The following ME1 variants were observed in gnomAD, a reference collection of about 807,000 sequenced individuals.
ME1 encodes NADP-dependent malic enzyme.
A neutral mutation model predicts 66.4 loss-of-function variants in ME1; 74 were observed. The observed-to-expected ratio is 1.11, with a 90% CI of 0.92 to 1.35. The LOEUF is 1.35. Ranked by LOEUF, ME1 falls within the 40% of genes most tolerant of loss-of-function variation. ME1 has a pLI of 0.00. For missense variants in ME1, 750 were observed against 694.1 expected (o/e 1.08, Z -0.90); for synonymous variants, 251 against 235.6 (o/e 1.07, Z -0.60).
At chr6:83,316,417 ACTTC>A (rs967857370) in intron 5 of ME1, among the ~76,000 whole-genome samples, 8 of 152,144 alleles carry the variant, frequency 5.3e-5, no homozygotes, top group African/African-American at 1.7e-4. Flanking sequence ...GCAGAAAGGA[ACTTC>A]CTTAACGCAA....
chr6:83,292,362 C>A (rs1418906070), intron 6 of ME1, among the ~76,000 whole-genome samples: 1 of 152,198 alleles, frequency 6.6e-6, no homozygotes, highest in Non-Finnish European at 1.5e-5. Flanking sequence ...AGTTTTCCTT[C>A]TAACAGACAG....
intron 6 of ME1, among the ~76,000 whole-genome samples, chr6:83,303,287 T>C (rs1454434926): frequency 6.6e-6 from 1 of 152,226 alleles, no homozygotes; most frequent in Non-Finnish European, 1.5e-5. Flanking sequence ...GTTAATTTGC[T>C]AGTTGCTTGT....
chr6:83,280,515 C>T (rs1054618845), intron 6 of ME1, among the ~76,000 whole-genome samples: 7 of 152,228 alleles, frequency 4.6e-5, no homozygotes, highest in South Asian at 2.1e-4. Flanking sequence ...GGAGAGAAAA[C>T]GAACTTAGGG....
intron 5 of ME1, among the ~76,000 whole-genome samples, chr6:83,326,844 A>G (rs1190646641): frequency 6.6e-6 from 1 of 152,216 alleles, no homozygotes; most frequent in East Asian, 1.9e-4. Context: ...TCAAGGATCT[A>G]GAAATAGAAA....
At chr6:83,311,077 G>A (rs987046639) in intron 6 of ME1, among the ~76,000 whole-genome samples, 3 of 152,038 alleles carry the variant, frequency 2.0e-5, no homozygotes, top group African/African-American at 7.2e-5. Flanking sequence ...GATGATAAGG[G>A]TAGAGATTTC....
intron 5 of ME1, among the ~76,000 whole-genome samples, chr6:83,324,832 T>G (rs778212106): frequency 7.1e-6 from 1 of 139,980 alleles, no homozygotes. Flanking sequence ...TTCCAAACAA[T>G]AGAAAAAGAA....
rs568096886 is a variant in ME1, at chr6:83,223,315, C to T, written c.1449+445G>A. Among the ~76,000 whole-genome samples the T allele has an allele frequency of 1.4e-4, 21 of 152,148 alleles. 1 individual carries two copies. The highest frequency in any genetic ancestry group is 5.1e-4 in the African/African-American group (21 of 41,506). On this transcript the variant is annotated intron_variant, in intron 12 of 13. Coordinates refer to ENST00000369705, the MANE Select transcript of ME1 (RefSeq NM_002395.6). ...GATCACAGGCACACACCACCATGCC[C>T]GGCTAATGTTTGTATTTTTAGTAGA... is the stretch of plus-strand genomic sequence containing the variant.
chr6:83,411,468 C>T (rs561548522), intron 1 of ME1, among the ~76,000 whole-genome samples: 27 of 152,042 alleles, frequency 1.8e-4, no homozygotes, highest in African/African-American at 6.5e-4. Flanking sequence ...TCTTAAAATC[C>T]CTGAAAAAAT....
intron 11 of ME1, among the ~76,000 whole-genome samples, chr6:83,224,742 T>C (rs910800758): frequency 2.0e-5 from 3 of 150,628 alleles, no homozygotes; most frequent in African/African-American, 7.3e-5. Flanking sequence ...AATAAAATAG[T>C]TATGTGGAGA....
chr6:83,428,196 G>T (rs978454556), intron 1 of ME1, among the ~76,000 whole-genome samples: 1 of 152,022 alleles, frequency 6.6e-6, no homozygotes, highest in Non-Finnish European at 1.5e-5. Context: ...AAAAAGGAAA[G>T]AATTAAGAGA....
At chr6:83,430,839 A>G in intron 1 of ME1, 38 bp downstream of exon 1, 2 of 1,527,086 alleles carry the variant, frequency 1.3e-6, no homozygotes, top group Non-Finnish European at 1.8e-6. Context: ...CCTGATAGAG[A>G]GGGGCCGATG....
intron 6 of ME1, among the ~76,000 whole-genome samples, chr6:83,286,940 A>C (rs1222886596): frequency 6.6e-6 from 1 of 152,202 alleles, no homozygotes; most frequent in East Asian, 1.9e-4. Flanking sequence ...TTGGAAAGTA[A>C]ATGTTACATA....
At chr6:83,316,352 A>G (rs1348072334) in intron 5 of ME1, among the ~76,000 whole-genome samples, 1 of 152,202 alleles carries the variant, frequency 6.6e-6, no homozygotes, top group Non-Finnish European at 1.5e-5. Context: ...TGAAATTGAG[A>G]TATAATTTAA....
intron 13 of ME1, among the ~76,000 whole-genome samples, chr6:83,214,944 CT>C (rs1789962757): frequency 6.6e-6 from 1 of 152,176 alleles, no homozygotes; most frequent in African/African-American, 2.4e-5. Flanking sequence ...CTGTCCCCTG[CT>C]TTTTTTCCCC....
chr6:83,400,204 T>A (rs542366410), intron 2 of ME1, among the ~76,000 whole-genome samples: 1 of 152,286 alleles, frequency 6.6e-6, no homozygotes, highest in East Asian at 1.9e-4. Context: ...TGGGTCCTGG[T>A]GGGTATTTGG....
intron 3 of ME1, among the ~76,000 whole-genome samples, chr6:83,358,132 G>A (rs948966229): frequency 1.7e-4 from 26 of 151,216 alleles, no homozygotes; most frequent in African/African-American, 6.3e-4. Context: ...GGTTTTGGGA[G>A]TTGGCTGCCT....
intron 12 of ME1, among the ~76,000 whole-genome samples, chr6:83,219,404 C>T (rs1790045902): frequency 6.6e-6 from 1 of 152,154 alleles, no homozygotes; most frequent in African/African-American, 2.4e-5. Context: ...CTAATTCCAT[C>T]AATTACTGTC....
intron 3 of ME1, among the ~76,000 whole-genome samples, chr6:83,391,874 C>G (rs1769628432): frequency 6.6e-6 from 1 of 152,308 alleles, no homozygotes; most frequent in South Asian, 2.1e-4. Context: ...ATGAGACCCA[C>G]AGTGTCCACT....
chr6:83,350,658 A>G (rs941832107), intron 4 of ME1, among the ~76,000 whole-genome samples: 1 of 151,276 alleles, frequency 6.6e-6, no homozygotes, highest in African/African-American at 2.4e-5. Context: ...TAATTTTAAA[A>G]TTTTTTCTAG....
Sources: gnomAD v4.1 joint callset for allele counts (sites outside exome capture counted in the v4.1 genomes callset) on GRCh38, gnomAD v4.1.1 for gene constraint, MANE v1.5 for transcripts, NCBI Gene and HGNC (gene_info 2026-07-23, HGNC 2026-07-21) for gene names.